Variants in UTP20 observed in about 807,000 individuals in gnomAD.
The protein encoded by UTP20 is small subunit processome component 20 homolog.
A neutral mutation model predicts 329.5 loss-of-function variants in UTP20; 164 were observed. The ratio of observed to expected loss-of-function variants is 0.50; its 90% CI spans 0.44 to 0.57. The LOEUF is 0.57. Ranked by LOEUF, UTP20 falls within the 20% of genes least tolerant of loss-of-function variation. The pLI, the probability that UTP20 is intolerant of heterozygous loss-of-function variation, is 0.00. For synonymous variants in UTP20, 1,151 were observed against 1,159.3 expected (o/e 0.99, Z 0.14); for missense variants, 3,055 against 3,284.2 (o/e 0.93, Z 1.71).
At chr12:101,325,555 C>A (rs1348302569) in intron 25 of UTP20, among the ~76,000 whole-genome samples, 1 of 152,200 alleles carries the variant, frequency 6.6e-6, no homozygotes, top group East Asian at 1.9e-4. Flanking sequence ...ATTTAACAAA[C>A]AAACACACTT....
intron 6 of UTP20, chr12:101,289,808 TAA>T (rs1200342041): frequency 1.3e-5 from 2 of 153,366 alleles, no homozygotes; most frequent in East Asian, 3.8e-4. Context: ...ACATTAATAT[TAA>T]ATTTTTTATT....
intron 43 of UTP20, among the ~76,000 whole-genome samples, chr12:101,361,151 T>C (rs1039481430): frequency 6.6e-6 from 1 of 152,214 alleles, no homozygotes; most frequent in Admixed American, 6.5e-5. Context: ...GCTTAAATGA[T>C]TTAATACATG....
intron 43 of UTP20, among the ~76,000 whole-genome samples, chr12:101,357,846 A>G (rs769634496): frequency 3.9e-5 from 6 of 152,206 alleles, no homozygotes; most frequent in Non-Finnish European, 8.8e-5. Context: ...TGGCACCTGG[A>G]CAGACAGTAT....
chr12:101,314,211 C>T (rs896020702), intron 21 of UTP20, among the ~76,000 whole-genome samples: 3 of 152,086 alleles, frequency 2.0e-5, no homozygotes, highest in African/African-American at 7.2e-5. Flanking sequence ...AGACTAAAGG[C>T]GGCAGTAAAC....
At chr12:101,346,122 G>A (rs1869314695) in intron 37 of UTP20, among the ~76,000 whole-genome samples, 1 of 152,008 alleles carries the variant, frequency 6.6e-6, no homozygotes, top group South Asian at 2.1e-4. Flanking sequence ...CGCAATCTCA[G>A]CTCACTGTAA....
intron 6 of UTP20, 180 bp from the exon 7 acceptor site, chr12:101,289,957 G>T: frequency 2.6e-6 from 1 of 391,638 alleles, no homozygotes; most frequent in Non-Finnish European, 4.3e-6. Flanking sequence ...TCTTTTGTGT[G>T]ACATTCCAAG....
At chr12:101,339,025 T>G (rs1420644967) in intron 31 of UTP20, 68 bp downstream of exon 31, 6 of 1,481,826 alleles carry the variant, frequency 4.0e-6, no homozygotes, top group Non-Finnish European at 5.4e-6. Flanking sequence ...AAAAAATTAT[T>G]ATCTTGGCCA....
At chr12:101,327,686 A>T (rs1868613529) in intron 26 of UTP20, among the ~76,000 whole-genome samples, 1 of 152,246 alleles carries the variant, frequency 6.6e-6, no homozygotes, top group Non-Finnish European at 1.5e-5. Flanking sequence ...CTGTTAAGTT[A>T]AAAATAGAAA....
intron 15 of UTP20, among the ~76,000 whole-genome samples, chr12:101,304,664 A>T (rs899829573): frequency 6.6e-6 from 1 of 152,160 alleles, no homozygotes; most frequent in African/African-American, 2.4e-5. Context: ...TGTTACTGGC[A>T]TCTAGTGGGT....
rs763709062 is a variant in UTP20, at chr12:101,299,770, C to A, written c.1519C>A (p.Pro507Thr). ...CCATCTTTTATCTATAATTAAGTTA[C>A]CCCCAAATAAAGATACTACTTACCT... ...LDHLLSIIKLPPNKDTTYLSQ... is the reference protein window; with the variant it reads ...LDHLLSIIKLTPNKDTTYLSQ... The change falls in exon 13 of 62, where the codon CCC (proline) becomes ACC (threonine). Residue 507 changes from proline to threonine, a missense_variant. Physicochemically the swap from Pro to Thr is conservative, Grantham distance 38. Coordinates refer to ENST00000261637, the MANE Select transcript of UTP20 (RefSeq NM_014503.3). The A allele has an allele frequency of 1.9e-6, 3 of 1,613,052 alleles. No homozygotes were observed. The highest frequency in any genetic ancestry group is 1.3e-5 in the African/African-American group (1 of 74,840).
Position 101,370,454 on chromosome 12 carries a change from A to G in UTP20, c.6578A>G (p.Lys2193Arg). 1 of 1,613,908 alleles carries G rather than the reference A, an allele frequency of 6.2e-7. No individual in the cohort carries two copies. Among genetic ancestry groups the G allele is most frequent in the Non-Finnish European group, 8.5e-7 (1 of 1,179,914 alleles). ...CFKCVTILVK[K>R]VKSYQITEKQ... ...CAGTGTGTGACCATACTTGTCAAGAAAGTCAAGTCTTACCAGATAACTGAA... is the reference window on the plus strand; with the variant it reads ...CAGTGTGTGACCATACTTGTCAAGAGAGTCAAGTCTTACCAGATAACTGAA... Residue 2193 changes from lysine (K) to arginine (R), a missense_variant, in exon 50 of 62, where the codon AAA becomes AGA. Transcript: ENST00000261637.
intron 61 of UTP20, 97 bp downstream of exon 61, chr12:101,385,825 G>A: frequency 6.6e-7 from 1 of 1,515,240 alleles, no homozygotes; most frequent in South Asian, 1.3e-5. Flanking sequence ...AGGATCAAGG[G>A]TTTGAGCGGT....
chr12:101,335,771 A>G (rs943709744), intron 29 of UTP20, among the ~76,000 whole-genome samples: 1 of 152,232 alleles, frequency 6.6e-6, no homozygotes, highest in African/African-American at 2.4e-5. Context: ...TTCAGAAACA[A>G]ACCAAAAACC....
intron 4 of UTP20, 85 bp from the exon 5 acceptor site, chr12:101,286,234 ATG>A (rs1871956569): frequency 1.7e-6 from 2 of 1,211,500 alleles, no homozygotes; most frequent in Admixed American, 4.8e-5. Context: ...AATTAATCCT[ATG>A]ATCATAGGCC....
chr12:101,299,948 T>C (rs1872472715), intron 13 of UTP20, 25 bp from the exon 14 acceptor site: 2 of 1,612,840 alleles, frequency 1.2e-6, no homozygotes, highest in Non-Finnish European at 1.7e-6. Context: ...GTTTGAACTT[T>C]TCCCTTTTTC....
chr12:101,299,166 T>G (rs556579926), intron 12 of UTP20, among the ~76,000 whole-genome samples: 24 of 152,188 alleles, frequency 1.6e-4, no homozygotes, highest in African/African-American at 5.5e-4. Context: ...GTCACAGATA[T>G]TCAAAACAGA....
intron 54 of UTP20, 137 bp downstream of exon 54, chr12:101,373,904 G>T (rs1323622450): frequency 9.4e-7 from 1 of 1,066,726 alleles, no homozygotes; most frequent in Non-Finnish European, 1.3e-6. Flanking sequence ...TATGCAAATA[G>T]TATATTCTTA....
intron 48 of UTP20, 88 bp downstream of exon 48, chr12:101,368,064 T>C (rs1486978264): frequency 1.1e-6 from 1 of 951,026 alleles, no homozygotes; most frequent in African/African-American, 1.6e-5. Flanking sequence ...GTATTTGGGC[T>C]CAAGCTTTAT....
Position 101,346,448 on chromosome 12 carries a change from T to C in UTP20, c.4747-3T>C. 2.5e-6 allele frequency: 4 copies of C among 1,590,194 alleles called. No individual in the cohort carries two copies. The highest frequency in any genetic ancestry group is 3.4e-6 in the Non-Finnish European group (4 of 1,172,426). ...ACTAATTCATATTTTATCTTACCCA[T>C]AGATCCACAGAAGAGCAAGAGCCTT... On this transcript the variant is annotated splice_region_variant and splice_polypyrimidine_tract_variant and intron_variant, in intron 37 of 61. Transcript: ENST00000261637.
Sources: allele counts gnomAD v4.1 joint callset (sites outside exome capture counted in the v4.1 genomes callset), GRCh38; gene constraint gnomAD v4.1.1; transcripts MANE v1.5; gene names NCBI Gene and HGNC (gene_info 2026-07-23, HGNC 2026-07-21).